Variants in EFTUD2 observed in about 807,000 individuals in gnomAD.
EFTUD2 encodes elongation factor Tu GTP binding domain containing 2.
EFTUD2 carries 9 observed loss-of-function variants against 114.3 expected under a neutral mutation model. That is an observed-to-expected ratio of 0.08 (90% CI 0.05 to 0.14). EFTUD2 has a LOEUF of 0.14. Ranked by LOEUF, EFTUD2 falls within the 10% of genes least tolerant of loss-of-function variation. The probability of loss-of-function intolerance (pLI) is 1.00; values close to 1 mark genes in which losing one functional copy is unlikely to be tolerated. For synonymous variants in EFTUD2, 449 were observed against 462.3 expected (o/e 0.97, Z 0.37); for missense variants, 765 against 1,241.2 (o/e 0.62, Z 5.76).
intron 11 of EFTUD2, chr17:44,868,597 A>C (rs1431932992): frequency 4.1e-6 from 2 of 485,594 alleles, no homozygotes; most frequent in Non-Finnish European, 7.3e-6. Context: ...TCCACCAAGC[A>C]CTAGGATTGA....
intron 2 of EFTUD2, chr17:44,891,944 G>C (rs2051287098): frequency 6.6e-6 from 1 of 152,048 alleles, no homozygotes; most frequent in Non-Finnish European, 1.5e-5. Context: ...ATTTTTAGTA[G>C]AGACGGTTTC....
intron 9 of EFTUD2, among the ~76,000 whole-genome samples, chr17:44,877,504 C>T (rs1324002774): frequency 1.3e-5 from 2 of 152,132 alleles, no homozygotes; most frequent in Non-Finnish European, 2.9e-5. Context: ...CACTTCTTTA[C>T]AACATAATTC....
chr17:44,898,726 CCACTTT>C (rs2051448893), intron 1 of EFTUD2, among the ~76,000 whole-genome samples: 1 of 152,220 alleles, frequency 6.6e-6, no homozygotes, highest in Non-Finnish European at 1.5e-5. Flanking sequence ...CTCCAACTTC[CCACTTT>C]CACTGTTTTA....
intron 25 of EFTUD2, among the ~76,000 whole-genome samples, chr17:44,853,035 C>G (rs1196167681): frequency 6.6e-6 from 1 of 152,168 alleles, no homozygotes; most frequent in East Asian, 1.9e-4. Flanking sequence ...CACCCGCCAC[C>G]ACGCCCAGCT....
At chr17:44,873,646 G>A (rs1473493147) in intron 10 of EFTUD2, among the ~76,000 whole-genome samples, 1 of 151,904 alleles carries the variant, frequency 6.6e-6, no homozygotes, top group Non-Finnish European at 1.5e-5. Flanking sequence ...CACTGTGCCT[G>A]GCCTCTTGTT....
intron 9 of EFTUD2, among the ~76,000 whole-genome samples, chr17:44,877,765 C>A (rs1294929083): frequency 6.6e-6 from 1 of 151,926 alleles, no homozygotes; most frequent in East Asian, 1.9e-4. Context: ...AAGATTGCGC[C>A]ACTGCACTCC....
chr17:44,858,952 G>T, intron 19 of EFTUD2, 128 bp downstream of exon 19: 1 of 691,640 alleles, frequency 1.4e-6, no homozygotes, highest in Non-Finnish European at 2.6e-6. Context: ...CATATAAGGA[G>T]CAACAGATCA....
At chr17:44,853,685 T>A in intron 23 of EFTUD2, 50 bp from the exon 24 acceptor site, 1 of 1,605,764 alleles carries the variant, frequency 6.2e-7, no homozygotes. Context: ...GGGCCTGTCA[T>A]GGGGCCATGG....
In EFTUD2 at chr17:44,872,589, T is replaced by G. The variant is rs1255786303; in HGVS notation, c.870-19A>C. On this transcript the variant is annotated intron_variant, in intron 10 of 27. Coordinates refer to ENST00000426333, the MANE Select transcript of EFTUD2 (RefSeq NM_004247.4). The stretch of plus-strand genomic sequence containing the variant: ...ATACATGCTGAAACAGAGACAGTGG[T>G]GAACACAGTGCCAGGCTGCAGCAGC... 6.3e-7 allele frequency: 1 copy of G among 1,593,176 alleles called. No individual in the cohort carries two copies. Among genetic ancestry groups the G allele is most frequent in the Non-Finnish European group, 8.6e-7 (1 of 1,168,448 alleles).
At chr17:44,896,571 C>T (rs1279985982) in intron 1 of EFTUD2, among the ~76,000 whole-genome samples, 5 of 152,302 alleles carry the variant, frequency 3.3e-5, no homozygotes, top group Non-Finnish European at 5.9e-5. Flanking sequence ...CACTTGAATC[C>T]AGGAGGCAGA....
intron 25 of EFTUD2, among the ~76,000 whole-genome samples, chr17:44,853,054 G>A (rs1198961066): frequency 6.6e-6 from 1 of 152,126 alleles, no homozygotes; most frequent in Admixed American, 6.5e-5. Flanking sequence ...CTAATTTTTT[G>A]TATTTTTAGT....
At chr17:44,857,384 AGAGT>A (rs564163051) in intron 19 of EFTUD2, 1 of 448,270 alleles carries the variant, frequency 2.2e-6, no homozygotes, top group South Asian at 2.1e-5. Flanking sequence ...TCCTGAGCCA[AGAGT>A]AAGTGGGGTA....
At chr17:44,865,286 A>T in intron 13 of EFTUD2, 1 of 528,418 alleles carries the variant, frequency 1.9e-6, no homozygotes, top group Admixed American at 3.6e-5. Context: ...TCCCCATCCC[A>T]GCCAATAAAC....
chr17:44,851,637 GAA>G, intron 27 of EFTUD2, 71 bp downstream of exon 27: 1 of 1,408,874 alleles, frequency 7.1e-7, no homozygotes, highest in Non-Finnish European at 9.5e-7. Flanking sequence ...GGGGCCAAAA[GAA>G]AGAGAGAGAG....
Position 44,854,014 on chromosome 17 carries a change from A to G in EFTUD2, c.2347+255T>C. On this transcript the variant is annotated intron_variant, in intron 23 of 27. Coordinates refer to ENST00000426333, the MANE Select transcript of EFTUD2 (RefSeq NM_004247.4). This position sits in a 1 kb window ranked among gnomAD's most constrained non-coding sequence, Gnocchi z 4.3. ...ATCATCCTCTTGATATCTCTTCTCA[A>G]ATACGTCCAACGCCAAACCCTTCTC... 1 of 1,363,556 alleles carries G rather than the reference A, an allele frequency of 7.3e-7. No homozygotes were observed. Among genetic ancestry groups the G allele is most frequent in the South Asian group, 1.9e-5 (1 of 52,340 alleles). The allele number at this position is 1,363,556 out of a possible 1,614,324, so 84.5% of individuals were successfully genotyped here.
At chr17:44,874,275 C>T (rs944510403) in intron 10 of EFTUD2, among the ~76,000 whole-genome samples, 2 of 151,914 alleles carry the variant, frequency 1.3e-5, no homozygotes, top group African/African-American at 2.4e-5. Context: ...GAACTCCTAG[C>T]CCCAAGGGAT....
In EFTUD2 at chr17:44,859,648, C is replaced by T. The variant is rs549810399; in HGVS notation, c.1860+257G>A. 2.0e-5 allele frequency: 12 copies of T among 588,476 alleles called. No individual in the cohort carries two copies. In the South Asian group the frequency reaches 2.3e-4, roughly 11 times the overall value. 36.5% of individuals were successfully genotyped at this position (588,476 alleles called of 1,614,324 possible). A position where few individuals can be genotyped will look rare whatever the true frequency, so the allele number is the denominator to read the frequency against. On this transcript the variant is annotated intron_variant, in intron 18 of 27. Transcript: ENST00000426333. ...TCTGCGGAACACAAATACGCACACA[C>T]ACACACACACACAACCTTGTCCTAT... is the stretch of plus-strand genomic sequence containing the variant.
intron 1 of EFTUD2, among the ~76,000 whole-genome samples, chr17:44,896,475 G>A (rs542523121): frequency 9.2e-5 from 14 of 152,112 alleles, no homozygotes; most frequent in Admixed American, 2.6e-4. Flanking sequence ...GTGAAACCCC[G>A]TCTCTACTAA....
At chr17:44,859,700 C>G (rs759093607) in intron 18 of EFTUD2, 7 of 738,422 alleles carry the variant, frequency 9.5e-6, no homozygotes, top group Non-Finnish European at 1.6e-5. Flanking sequence ...CCCTCCTACA[C>G]AGGTCTTGTT....
Sources: allele counts gnomAD v4.1 joint callset (sites outside exome capture counted in the v4.1 genomes callset), GRCh38; gene constraint gnomAD v4.1.1; non-coding constraint Gnocchi (gnomAD v3.1); transcripts MANE v1.5; gene names NCBI Gene and HGNC (gene_info 2026-07-23, HGNC 2026-07-21).